The following MYCBP2 variants were observed in gnomAD, a reference collection of about 807,000 sequenced individuals.
MYCBP2 encodes the protein MYC binding protein 2, also known as E3 ubiquitin-protein ligase MYCBP2.
MYCBP2 carries 120 observed loss-of-function variants against 525.3 expected under a neutral mutation model. The ratio of observed to expected loss-of-function variants is 0.23; its 90% CI spans 0.20 to 0.27. The LOEUF (loss-of-function observed/expected upper bound fraction) is 0.27, where lower values mean the gene tolerates loss of function less well. Ranked by LOEUF, MYCBP2 falls within the 10% of genes least tolerant of loss-of-function variation. The pLI is 1.00. For synonymous variants in MYCBP2, 1,894 were observed against 1,955.8 expected (o/e 0.97, Z 0.83); for missense variants, 4,149 against 5,657.1 (o/e 0.73, Z 8.55).
chr13:77,167,885 A>G (rs1317933371), intron 40 of MYCBP2, among the ~76,000 whole-genome samples: 1 of 152,216 alleles, frequency 6.6e-6, no homozygotes. Flanking sequence ...GGAATATTTT[A>G]CAAGCACACA....
intron 19 of MYCBP2, among the ~76,000 whole-genome samples, chr13:77,224,950 A>C (rs2066055748): frequency 6.6e-6 from 1 of 152,190 alleles, no homozygotes; most frequent in African/African-American, 2.4e-5. Context: ...CTTATCAAAT[A>C]ATCTTCAAGG....
chr13:77,097,669 T>C lies in MYCBP2; in HGVS notation c.9485A>G (p.His3162Arg). ...SKSPLPLTLQHLVAFWEDISL... is the reference protein window; with the variant it reads ...SKSPLPLTLQRLVAFWEDISL... ...GATGTCTTCCCAAAAAGCCACTAAA[T>C]GTTGTAAAGTTAAGGGAAGAGGAGA... Residue 3162 changes from histidine (H) to arginine (R), a missense_variant, in exon 56 of 83, where the codon CAT (histidine) becomes CGT (arginine). This residue lies in a region of MYCBP2 where 653 missense variants were observed against 744.7 expected (regional missense o/e 0.88). Coordinates refer to ENST00000544440, the MANE Select transcript of MYCBP2 (RefSeq NM_015057.5). 6.2e-7 allele frequency: 1 copy of C among 1,613,768 alleles called. No homozygotes were observed. The highest frequency in any genetic ancestry group is 8.5e-7 in the Non-Finnish European group (1 of 1,179,828).
intron 82 of MYCBP2, among the ~76,000 whole-genome samples, chr13:77,048,236 A>C (rs2035999796): frequency 1.3e-5 from 2 of 152,116 alleles, no homozygotes; most frequent in African/African-American, 4.8e-5. Context: ...CCACGACAGC[A>C]AGAAAGTGCC....
At position 77,140,139 on chromosome 13, in the gene MYCBP2, T is replaced by C. The variant is rs1370002367; in HGVS notation, c.7426A>G (p.Ser2476Gly). 5.0e-6 allele frequency: 8 copies of C among 1,605,302 alleles called. No homozygotes were observed. The highest frequency in any genetic ancestry group is 6.8e-6 in the Non-Finnish European group (8 of 1,177,510). Residue 2476 changes from serine to glycine, a missense_variant, in exon 51 of 83, where the codon AGT (serine) becomes GGT (glycine). Transcript: ENST00000544440. Reference protein sequence around the residue: ...NKVRKFVAKDSAGLRIRSHPS... With the variant: ...NKVRKFVAKDGAGLRIRSHPS... ...TGGCTACGGATGCGAAGCCCCGCACTGTCCTTGGCCACAAATTTTCGAACC... is the reference window on the plus strand; with the variant it reads ...TGGCTACGGATGCGAAGCCCCGCACCGTCCTTGGCCACAAATTTTCGAACC...
At chr13:77,076,156 C>T (rs1213804174) in intron 68 of MYCBP2, 1 of 152,158 alleles carries the variant, frequency 6.6e-6, no homozygotes, top group Non-Finnish European at 1.5e-5. Context: ...AGAACAGTAA[C>T]AAAGAGTAGT....
intron 15 of MYCBP2, among the ~76,000 whole-genome samples, chr13:77,246,737 T>G (rs1186396750): frequency 6.7e-6 from 1 of 148,978 alleles, no homozygotes; most frequent in African/African-American, 2.5e-5. Flanking sequence ...CTCAACAAAA[T>G]ACTAACAAAA....
Position 77,158,057 on chromosome 13 carries a change from G to A in MYCBP2, c.6650C>T (p.Ser2217Leu). 1.2e-6 allele frequency: 2 copies of A among 1,613,166 alleles called. No individual in the cohort carries two copies. The highest frequency in any genetic ancestry group is 4.5e-5 in the East Asian group (2 of 44,784). Residue 2217 changes from serine to leucine, a missense_variant, in exon 45 of 83, where the codon TCA becomes TTA. By Grantham distance (145) the Ser-to-Leu change is moderately radical (BLOSUM62 -2). This residue lies in a region of MYCBP2 where 692 missense variants were observed against 852.7 expected (regional missense o/e 0.81). Coordinates refer to ENST00000544440, the MANE Select transcript of MYCBP2 (RefSeq NM_015057.5). Reference protein sequence around the residue: ...ILGKGLALSHSPTILEALEGN... With the variant: ...ILGKGLALSHLPTILEALEGN... Reference sequence around the variant, plus strand: ...CTCAAGTGCTTCTAATATAGTTGGTGAATGAGAAAGAGCTAGACCCTTTCC... The same window carrying A: ...CTCAAGTGCTTCTAATATAGTTGGTAAATGAGAAAGAGCTAGACCCTTTCC...
At chr13:77,260,345 A>C in intron 13 of MYCBP2, 83 bp downstream of exon 13, 7 of 954,666 alleles carry the variant, frequency 7.3e-6, no homozygotes, top group Non-Finnish European at 1.0e-5. Flanking sequence ...TGCCACCAAC[A>C]TAAATTTTCT....
At chr13:77,315,972 A>G (rs2080889908) in intron 1 of MYCBP2, among the ~76,000 whole-genome samples, 1 of 151,930 alleles carries the variant, frequency 6.6e-6, no homozygotes, top group East Asian at 1.9e-4. Context: ...AATATCTTCA[A>G]ATTGATAGAG....
chr13:77,070,263 G>A (rs993412717), intron 69 of MYCBP2, among the ~76,000 whole-genome samples: 14 of 152,126 alleles, frequency 9.2e-5, no homozygotes, highest in Admixed American at 5.9e-4. Context: ...ATAAAAGGGC[G>A]AGCATAAAAA....
intron 1 of MYCBP2, among the ~76,000 whole-genome samples, chr13:77,299,669 A>G (rs2078562369): frequency 6.6e-6 from 1 of 152,180 alleles, no homozygotes; most frequent in African/African-American, 2.4e-5. Context: ...TCTAAAAACC[A>G]GTCTTACACA....
At chr13:77,251,446 C>A in intron 14 of MYCBP2, 91 bp from the exon 15 acceptor site, 2 of 1,046,796 alleles carry the variant, frequency 1.9e-6, no homozygotes, top group Non-Finnish European at 2.8e-6. Flanking sequence ...AAAATGACAG[C>A]ATGCTAATCC....
intron 3 of MYCBP2, 119 bp downstream of exon 3, chr13:77,288,042 G>T: frequency 9.9e-7 from 1 of 1,010,046 alleles, no homozygotes; most frequent in Non-Finnish European, 1.5e-6. Flanking sequence ...CATAAGCCGT[G>T]TTATTTTTAG....
intron 56 of MYCBP2, among the ~76,000 whole-genome samples, 178 bp from the exon 57 acceptor site, chr13:77,096,659 C>T (rs988693248): frequency 7.2e-5 from 11 of 152,070 alleles, no homozygotes; most frequent in African/African-American, 2.7e-4. Context: ...GATCAAAAAG[C>T]AATCAATTAA....
chr13:77,291,519 C>T (rs2077470545), intron 2 of MYCBP2, among the ~76,000 whole-genome samples: 1 of 152,176 alleles, frequency 6.6e-6, no homozygotes, highest in South Asian at 2.1e-4. Context: ...GCCTGTAATC[C>T]CAGCACTTTG....
intron 1 of MYCBP2, among the ~76,000 whole-genome samples, chr13:77,309,364 T>C (rs2079870964): frequency 6.6e-6 from 1 of 152,204 alleles, no homozygotes; most frequent in Non-Finnish European, 1.5e-5. Context: ...CTGAACATAA[T>C]GTATCTGAAC....
At position 77,068,636 on chromosome 13, in the gene MYCBP2, C is replaced by A; in HGVS notation, c.12100G>T (p.Ala4034Ser). The A allele has an allele frequency of 6.2e-7, 1 of 1,614,144 alleles. No homozygotes were observed. Among genetic ancestry groups the A allele is most frequent in the Non-Finnish European group, 8.5e-7 (1 of 1,180,026 alleles). The change falls in exon 70 of 83, where the codon GCT (alanine) becomes TCT (serine). Residue 4034 changes from alanine to serine, a missense_variant. By Grantham distance (99) the Ala-to-Ser change is moderately conservative. Coordinates refer to ENST00000544440, the MANE Select transcript of MYCBP2 (RefSeq NM_015057.5). ...TCCTGAAGCAGGGTTAGCTGTTGAG[C>A]CAGATATTGCCGGCCAACGTTAGAG... ...SGSNVGRQYLAQQLTLLQDLF... is the reference protein window; with the variant it reads ...SGSNVGRQYLSQQLTLLQDLF...
At position 77,169,724 on chromosome 13, in the gene MYCBP2, G is replaced by T; in HGVS notation, c.5795-10C>A. 1 of 1,595,940 alleles carries T rather than the reference G, an allele frequency of 6.3e-7. No individual in the cohort carries two copies. ...TCTGGAATGTCATCAGCTAAAAAAA[G>T]GCATAAAAGGCATTAAAACTATAGT... On this transcript the variant is annotated splice_polypyrimidine_tract_variant and intron_variant, in intron 38 of 82. Coordinates refer to ENST00000544440, the MANE Select transcript of MYCBP2 (RefSeq NM_015057.5).
Position 77,205,557 on chromosome 13 carries a change from C to G in MYCBP2, c.3631G>C (p.Gly1211Arg), listed in dbSNP as rs764958557. 4.3e-6 allele frequency: 7 copies of G among 1,613,340 alleles called. No homozygotes were observed. The South Asian group carries it at 7.7e-5, about 18-fold the overall frequency. The part of the protein sequence containing the change: ...TLAAMQDLKM[G>R]VASTEEETQA... ...GTCTCTTCCTCTGTACTTGCAACAC[C>G]CATTTTTAAGTCCTGCATAGCTGCC... The change falls in exon 25 of 83, where the codon GGT becomes CGT. Residue 1211 changes from glycine to arginine, a missense_variant. By Grantham distance (125) the Gly-to-Arg change is moderately radical. Coordinates refer to ENST00000544440, the MANE Select transcript of MYCBP2 (RefSeq NM_015057.5).
Sources: allele counts gnomAD v4.1 joint callset (sites outside exome capture counted in the v4.1 genomes callset), GRCh38; gene constraint gnomAD v4.1.1; regional missense constraint gnomAD v4.1.1; transcripts MANE v1.5; gene names NCBI Gene and HGNC (gene_info 2026-07-23, HGNC 2026-07-21).